Variants in OSBP2 observed in about 807,000 individuals in gnomAD.
OSBP2 encodes the protein oxysterol binding protein 2, also known as oxysterol-binding protein 2.
OSBP2 carries 66 observed loss-of-function variants against 96.0 expected under a neutral mutation model. The ratio of observed to expected loss-of-function variants is 0.69; its 90% CI spans 0.56 to 0.84. The LOEUF (loss-of-function observed/expected upper bound fraction) is 0.84. OSBP2 is among the 40% of genes least tolerant of loss of function. The pLI is 0.00. For missense variants in OSBP2, 1,038 were observed against 1,222.7 expected, an observed-to-expected ratio of 0.85 and a Z score of 2.25; for synonymous variants, 525 against 520.9, an observed-to-expected ratio of 1.01 and a Z score of -0.11.
At chr22:30,900,603 G>C (rs528112762) in intron 12 of OSBP2, among the ~76,000 whole-genome samples, 1 of 152,100 alleles carries the variant, frequency 6.6e-6, no homozygotes, top group South Asian at 2.1e-4. Flanking sequence ...TAATGGAACA[G>C]ATTAGTGAGC....
intron 1 of OSBP2, among the ~76,000 whole-genome samples, chr22:30,705,223 T>G (rs1224493491): frequency 6.6e-6 from 1 of 152,142 alleles, no homozygotes; most frequent in Non-Finnish European, 1.5e-5. Context: ...TCTGGCGGCT[T>G]GGTTTTTGCA....
In OSBP2 at chr22:30,889,026, T is replaced by C; in HGVS notation, c.1419-151T>C. ...TACACTATCCACCCTTGAAATGTTGTTATTGCGGTGCCTGTCTACACACAG... is the reference window on the plus strand; with the variant it reads ...TACACTATCCACCCTTGAAATGTTGCTATTGCGGTGCCTGTCTACACACAG... On this transcript the variant is annotated intron_variant, in intron 5 of 13. Transcript: ENST00000332585. The C allele has an allele frequency of 4.8e-6, 3 of 623,268 alleles. No homozygotes were observed. The South Asian group carries it at 6.6e-5, about 14-fold the overall frequency. 38.6% of individuals were successfully genotyped at this position (623,268 alleles called of 1,614,324 possible). A position where few individuals can be genotyped will look rare whatever the true frequency, so the allele number is the denominator to read the frequency against.
At chr22:30,707,943 A>C (rs558125299) in intron 1 of OSBP2, among the ~76,000 whole-genome samples, 5 of 150,926 alleles carry the variant, frequency 3.3e-5, no homozygotes, top group Non-Finnish European at 4.4e-5. Context: ...GCTGCAGTGC[A>C]GTGGTGCAGT....
chr22:30,826,784 TC>T (rs889046491), intron 2 of OSBP2, among the ~76,000 whole-genome samples: 1 of 152,178 alleles, frequency 6.6e-6, no homozygotes, highest in African/African-American at 2.4e-5. Flanking sequence ...GGTGGTGTTT[TC>T]TCTCTGGTTG....
chr22:30,798,661 A>C (rs2090800217), intron 2 of OSBP2, among the ~76,000 whole-genome samples: 1 of 152,244 alleles, frequency 6.6e-6, no homozygotes, highest in Non-Finnish European at 1.5e-5. Context: ...TTTTCACAGC[A>C]ACATTTGTTG....
chr22:30,881,799 C>A lies in OSBP2; in HGVS notation c.1108-5627C>A, dbSNP rs1342643900. 7.7e-7 allele frequency: 1 copy of A among 1,304,136 alleles called. No individual in the cohort carries two copies. The allele number at this position is 1,304,136 out of a possible 1,614,324, so 80.8% of individuals were successfully genotyped here. ...AGACCCTGGGAGTCAGGGATGGACACCAGGTGGGTGCATCCGGGCTGGGGG... is the reference window on the plus strand; with the variant it reads ...AGACCCTGGGAGTCAGGGATGGACAACAGGTGGGTGCATCCGGGCTGGGGG... On this transcript the variant is annotated intron_variant, in intron 3 of 13. Transcript: ENST00000332585. The surrounding 1 kb of genome is among the most constrained non-coding windows in gnomAD (Gnocchi z 4.5).
intron 2 of OSBP2, among the ~76,000 whole-genome samples, chr22:30,813,207 T>A (rs2091034714): frequency 7.4e-6 from 1 of 134,422 alleles, no homozygotes; most frequent in East Asian, 2.1e-4. Flanking sequence ...TGAGATGGAG[T>A]CTTGCTCTGT....
chr22:30,761,745 T>C (rs753812621), intron 2 of OSBP2, among the ~76,000 whole-genome samples: 3 of 152,156 alleles, frequency 2.0e-5, no homozygotes, highest in Admixed American at 6.6e-5. Flanking sequence ...GATAGACATA[T>C]ACATTAATGG....
intron 2 of OSBP2, among the ~76,000 whole-genome samples, chr22:30,778,602 A>C (rs546599543): frequency 3.3e-5 from 5 of 152,190 alleles, no homozygotes; most frequent in Admixed American, 2.0e-4. Flanking sequence ...TCTATTGGGT[A>C]GTGGATGTGA....
At chr22:30,833,435 G>A (rs147890534) in intron 2 of OSBP2, among the ~76,000 whole-genome samples, 2 of 152,278 alleles carry the variant, frequency 1.3e-5, no homozygotes, top group African/African-American at 4.8e-5. Flanking sequence ...GCTACTTACT[G>A]TGCATGGAGC....
chr22:30,784,290 G>A (rs1264846208), intron 2 of OSBP2, among the ~76,000 whole-genome samples: 3 of 150,802 alleles, frequency 2.0e-5, no homozygotes, highest in African/African-American at 5.0e-5. Flanking sequence ...CAGGGTTTCT[G>A]TCACCCAAGT....
In OSBP2 at chr22:30,893,937, G is replaced by A. The variant is rs775936768; in HGVS notation, c.2311G>A (p.Gly771Arg). 6.3e-6 allele frequency: 10 copies of A among 1,598,776 alleles called. No homozygotes were observed. In the African/African-American group the frequency reaches 6.7e-5, roughly 11 times the overall value. The change falls in exon 12 of 14, where the codon GGG (glycine) becomes AGG (arginine). Residue 771 changes from glycine (G) to arginine (R), a missense_variant. By Grantham distance (125) the Gly-to-Arg change is moderately radical. Coordinates refer to ENST00000332585, the MANE Select transcript of OSBP2 (RefSeq NM_030758.4). ...HSSPSSPSSD[G>R]KQKTVYQTLS... ...CAGTCCCAGCAGCCCCAGCTCTGAC[G>A]GGAAGCAGAAGACAGTGTACCAGAC...
rs544189685 is a variant in OSBP2 at position 30,882,523 on chromosome 22, T to A, written c.1108-4903T>A. Among the ~76,000 whole-genome samples, 731 of 121,958 alleles carry A rather than the reference T, an allele frequency of 6.0e-3. 1 individual carries two copies. Among genetic ancestry groups the A allele is most frequent in the Middle Eastern group, 0.022 (5 of 228 alleles). The allele number at this position is 121,958 out of a possible 152,430, so 80.0% of individuals were successfully genotyped here. On this transcript the variant is annotated intron_variant, in intron 3 of 13. Coordinates refer to ENST00000332585, the MANE Select transcript of OSBP2 (RefSeq NM_030758.4). The stretch of plus-strand genomic sequence containing the variant: ...GCACACTATAAAAAAAAAAAAAAAA[T>A]CTACCTCAGTGCTTGTAAGAATGCC...
intron 3 of OSBP2, among the ~76,000 whole-genome samples, chr22:30,873,698 C>T (rs139310711): frequency 5.9e-4 from 90 of 152,314 alleles, no homozygotes; most frequent in African/African-American, 2.0e-3. Flanking sequence ...ACTGGCTCCT[C>T]GGACAGGGCA....
At chr22:30,712,106 G>A (rs2089363169) in intron 1 of OSBP2, among the ~76,000 whole-genome samples, 1 of 152,120 alleles carries the variant, frequency 6.6e-6, no homozygotes, top group African/African-American at 2.4e-5. Flanking sequence ...GCAACTCTTT[G>A]AGAAAGACAG....
At position 30,831,754 on chromosome 22, in the gene OSBP2, T is replaced by C. The variant is rs534640957; in HGVS notation, c.854-38675T>C. On this transcript the variant is annotated intron_variant, in intron 2 of 13. Transcript: ENST00000332585. ...CTGTACTGAATCCACTCTTTAGCTT[T>C]CCCAAGGGACATTCCAGATGCAGAG... 1.8e-4 allele frequency among the ~76,000 whole-genome samples: 27 copies of C among 152,152 alleles called. 4 individuals carry two copies. The highest frequency in any genetic ancestry group is 1.5e-3 in the Admixed American group (23 of 15,280).
chr22:30,751,410 A>G (rs1344217861), intron 2 of OSBP2, among the ~76,000 whole-genome samples: 1 of 151,908 alleles, frequency 6.6e-6, no homozygotes, highest in Non-Finnish European at 1.5e-5. Flanking sequence ...GCTGGAGTGC[A>G]GTGGCGTGAT....
intron 1 of OSBP2, among the ~76,000 whole-genome samples, chr22:30,728,795 C>T (rs937633273): frequency 6.6e-6 from 1 of 152,200 alleles, no homozygotes; most frequent in Non-Finnish European, 1.5e-5. Flanking sequence ...CTGCCTCTTC[C>T]AGGTTCTTAT....
At chr22:30,806,750 C>T (rs944944599) in intron 2 of OSBP2, among the ~76,000 whole-genome samples, 4 of 152,152 alleles carry the variant, frequency 2.6e-5, no homozygotes, top group Admixed American at 2.6e-4. Context: ...CAGGGACCTC[C>T]ATGGACCCTA....
Sources: gnomAD v4.1 joint callset for allele counts (sites outside exome capture counted in the v4.1 genomes callset) on GRCh38, gnomAD v4.1.1 for gene constraint, Gnocchi (gnomAD v3.1) non-coding constraint, MANE v1.5 for transcripts, NCBI Gene and HGNC (gene_info 2026-07-23, HGNC 2026-07-21) for gene names.